The following SLC15A5 variants were observed in gnomAD, a reference collection of about 807,000 sequenced individuals.
The protein encoded by SLC15A5 is solute carrier family 15 member 5.
Under a neutral mutation model 56.1 loss-of-function variants are expected in SLC15A5, and 58 were observed. That is an observed-to-expected ratio of 1.03 (90% CI 0.84 to 1.29). The LOEUF (loss-of-function observed/expected upper bound fraction) is 1.29. Ranked by LOEUF, SLC15A5 falls within the 50% of genes most tolerant of loss-of-function variation. The pLI is 0.00. For synonymous variants in SLC15A5, 264 were observed against 250.5 expected, an observed-to-expected ratio of 1.05 and a Z score of -0.51; for missense variants, 681 against 672.1, an observed-to-expected ratio of 1.01 and a Z score of -0.15.
Position 16,224,488 on chromosome 12 carries a change from G to C in SLC15A5, c.1277C>G (p.Ser426Cys). Reference sequence around the variant, plus strand: ...AATCAGGTAGAAACAGGGCATGGAGGAAACAGTGAGAACTTTTCCTGAAAG... The same window carrying C: ...AATCAGGTAGAAACAGGGCATGGAGCAAACAGTGAGAACTTTTCCTGAAAG... ...QPLSGKVLTVSSMPCFYLILQ... is the reference protein window; with the variant it reads ...QPLSGKVLTVCSMPCFYLILQ... The change falls in exon 6 of 9, where the codon TCC becomes TGC. Residue 426 changes from serine (S) to cysteine (C), a missense_variant. Coordinates refer to ENST00000344941, the MANE Select transcript of SLC15A5 (RefSeq NM_001170798.1). The C allele has an allele frequency of 6.5e-7, 1 of 1,537,230 alleles. No homozygotes were observed. The highest frequency in any genetic ancestry group is 1.4e-5 in the African/African-American group (1 of 73,152).
At chr12:16,263,024 A>G (rs1323173081) in intron 2 of SLC15A5, among the ~76,000 whole-genome samples, 1 of 152,212 alleles carries the variant, frequency 6.6e-6, no homozygotes, top group Non-Finnish European at 1.5e-5. Context: ...AATTGGTACC[A>G]GTAGCATGGG....
intron 2 of SLC15A5, among the ~76,000 whole-genome samples, chr12:16,258,493 T>C (rs1864600951): frequency 6.6e-6 from 1 of 152,190 alleles, no homozygotes; most frequent in African/African-American, 2.4e-5. Flanking sequence ...CTCTCAACCT[T>C]TCACTGGGTA....
intron 6 of SLC15A5, among the ~76,000 whole-genome samples, chr12:16,221,755 C>T (rs946564866): frequency 1.3e-5 from 2 of 151,938 alleles, no homozygotes; most frequent in African/African-American, 2.4e-5. Context: ...AGGCTCTGGT[C>T]GAATTGGGGC....
At position 16,239,544 on chromosome 12, in the gene SLC15A5, C is replaced by A; in HGVS notation, c.1162+137G>T. On this transcript the variant is annotated intron_variant, in intron 5 of 8. Transcript: ENST00000344941. Reference sequence around the variant, plus strand: ...AGAGATTTCGGAAGATGGGTGTTATCAGTCACAAATTCACCTGTTTTCCAT... The same window carrying A: ...AGAGATTTCGGAAGATGGGTGTTATAAGTCACAAATTCACCTGTTTTCCAT... 5.0e-6 allele frequency: 4 copies of A among 804,906 alleles called. No individual in the cohort carries two copies. In the South Asian group the frequency reaches 5.9e-5, roughly 12 times the overall value. The allele number at this position is 804,906 out of a possible 1,614,324, so 49.9% of individuals were successfully genotyped here. A position where few individuals can be genotyped will look rare whatever the true frequency, so the allele number is the denominator to read the frequency against.
chr12:16,243,437 G>A lies in SLC15A5; in HGVS notation c.975+1143C>T, dbSNP rs1249967708. On this transcript the variant is annotated intron_variant, in intron 4 of 8. Transcript: ENST00000344941. This position sits in a 1 kb window ranked among gnomAD's most constrained non-coding sequence, Gnocchi z 4.4. Reference sequence around the variant, plus strand: ...TTGGTAAAGCTGGTTTCGAATTCCCGATCTCAGGTAATCTGCCTGCCTCGG... The same window carrying A: ...TTGGTAAAGCTGGTTTCGAATTCCCAATCTCAGGTAATCTGCCTGCCTCGG... Among the ~76,000 whole-genome samples the A allele has an allele frequency of 6.6e-6, 1 of 152,048 alleles. No individual in the cohort carries two copies. Among genetic ancestry groups the A allele is most frequent in the Non-Finnish European group, 1.5e-5 (1 of 68,028 alleles).
chr12:16,243,599 C>T lies in SLC15A5; in HGVS notation c.975+981G>A, dbSNP rs76599105. ...AAAATGTAAAAATCTTCTTAGCTTA[C>T]AGGATGTACAAAAATAGTGGACTGG... is the stretch of plus-strand genomic sequence containing the variant. On this transcript the variant is annotated intron_variant, in intron 4 of 8. Transcript: ENST00000344941. This position sits in a 1 kb window ranked among gnomAD's most constrained non-coding sequence, Gnocchi z 4.4. Among the ~76,000 whole-genome samples the T allele has an allele frequency of 7.3e-3, 1,114 of 152,064 alleles. 13 individuals carry two copies. Among genetic ancestry groups the T allele is most frequent in the African/African-American group, 0.026 (1,064 of 41,440 alleles).
At chr12:16,213,884 C>A (rs1300708810) in intron 7 of SLC15A5, among the ~76,000 whole-genome samples, 2 of 152,088 alleles carry the variant, frequency 1.3e-5, no homozygotes. Flanking sequence ...GTTTCTCTAC[C>A]TTTGTACTGT....
At chr12:16,205,185 C>T (rs1864002121) in intron 7 of SLC15A5, among the ~76,000 whole-genome samples, 1 of 151,782 alleles carries the variant, frequency 6.6e-6, no homozygotes, top group Admixed American at 6.6e-5. Context: ...CAATTTTACA[C>T]TCTAAAAAAT....
chr12:16,223,870 C>T (rs1466537293), intron 6 of SLC15A5, among the ~76,000 whole-genome samples: 1 of 152,148 alleles, frequency 6.6e-6, no homozygotes, highest in African/African-American at 2.4e-5. Flanking sequence ...GCGCCTGCCA[C>T]CACACCTGGC....
chr12:16,273,225 A>G (rs887490696), intron 1 of SLC15A5, among the ~76,000 whole-genome samples: 2 of 152,110 alleles, frequency 1.3e-5, no homozygotes, highest in Non-Finnish European at 2.9e-5. Flanking sequence ...CTTATTACCT[A>G]AAAGCTTTTA....
At position 16,235,552 on chromosome 12, in the gene SLC15A5, T is replaced by A. The variant is rs1208754248; in HGVS notation, c.1162+4129A>T. Among the ~76,000 whole-genome samples the A allele has an allele frequency of 6.6e-6, 1 of 152,212 alleles. No individual in the cohort carries two copies. The highest frequency in any genetic ancestry group is 1.9e-4 in the East Asian group (1 of 5,186). On this transcript the variant is annotated intron_variant, in intron 5 of 8. Transcript: ENST00000344941. This position sits in a 1 kb window ranked among gnomAD's most constrained non-coding sequence, Gnocchi z 4.1. ...CTCTGATTTAATTCCAACTTGATGT[T>A]ACATTTAAGAATTGAGAATACTAAT...
chr12:16,273,684 C>T (rs1002965026), intron 1 of SLC15A5, among the ~76,000 whole-genome samples: 1 of 151,138 alleles, frequency 6.6e-6, no homozygotes, highest in Non-Finnish European at 1.5e-5. Flanking sequence ...ATAAAGTAAC[C>T]CAGTTGTAAT....
intron 7 of SLC15A5, among the ~76,000 whole-genome samples, chr12:16,200,218 T>C (rs933888103): frequency 2.0e-5 from 3 of 150,670 alleles, no homozygotes; most frequent in Non-Finnish European, 4.4e-5. Context: ...TAATAATGAA[T>C]GAGAAACTCA....
At chr12:16,230,083 A>C (rs1565664660) in intron 5 of SLC15A5, among the ~76,000 whole-genome samples, 1 of 152,164 alleles carries the variant, frequency 6.6e-6, no homozygotes, top group African/African-American at 2.4e-5. Context: ...GAAGTAGATG[A>C]GAGAGAGAAA....
rs1482572608 is a variant in SLC15A5, at chr12:16,196,889, C to G, written c.1484-2436G>C. On this transcript the variant is annotated intron_variant, in intron 7 of 8. Transcript: ENST00000344941. The surrounding 1 kb of genome is among the most constrained non-coding windows in gnomAD (Gnocchi z 4.0). ...GCAAATACCAGCCTTTTGGGAGATA[C>G]TACTAGATCCCCCTGGGCACACCAG... Among the ~76,000 whole-genome samples, 1 of 151,870 alleles carries G rather than the reference C, an allele frequency of 6.6e-6. No homozygotes were observed. The highest frequency in any genetic ancestry group is 1.9e-4 in the East Asian group (1 of 5,170).
At chr12:16,199,076 C>G (rs1037439374) in intron 7 of SLC15A5, among the ~76,000 whole-genome samples, 1 of 151,948 alleles carries the variant, frequency 6.6e-6, no homozygotes, top group Non-Finnish European at 1.5e-5. Context: ...CACTTCCCTG[C>G]TAGCTCTCAA....
chr12:16,277,276 A>G (rs1864829570), intron 1 of SLC15A5, 49 bp downstream of exon 1: 1 of 1,435,418 alleles, frequency 7.0e-7, no homozygotes, highest in Non-Finnish European at 9.1e-7. Flanking sequence ...TCTAACAAAA[A>G]TCTACTTAAT....
At chr12:16,240,218 A>C (rs960146573) in intron 4 of SLC15A5, among the ~76,000 whole-genome samples, 1 of 152,244 alleles carries the variant, frequency 6.6e-6, no homozygotes, top group Non-Finnish European at 1.5e-5. Flanking sequence ...ACTTTTCTTC[A>C]TGAACACTAA....
intron 7 of SLC15A5, among the ~76,000 whole-genome samples, chr12:16,195,792 G>C (rs1480971930): frequency 6.6e-6 from 1 of 152,092 alleles, no homozygotes; most frequent in Non-Finnish European, 1.5e-5. Context: ...ATCATAGTCA[G>C]CAAGTGCATA....
Sources: allele counts gnomAD v4.1 joint callset (sites outside exome capture counted in the v4.1 genomes callset), GRCh38; gene constraint gnomAD v4.1.1; non-coding constraint Gnocchi (gnomAD v3.1); transcripts MANE v1.5; gene names NCBI Gene and HGNC (gene_info 2026-07-23, HGNC 2026-07-21).